The following WDTC1 variants were observed in gnomAD, a reference collection of about 807,000 sequenced individuals.
WDTC1 encodes the protein WD and tetratricopeptide repeats protein 1.
Under a neutral mutation model 76.0 loss-of-function variants are expected in WDTC1, and 12 were observed. The observed-to-expected ratio is 0.16, with a 90% CI of 0.10 to 0.26. The LOEUF is 0.26. WDTC1 is among the 10% of genes least tolerant of loss of function. WDTC1 has a pLI of 1.00. For synonymous variants in WDTC1, 326 were observed against 350.8 expected (o/e 0.93, Z 0.79); for missense variants, 511 against 908.8 (o/e 0.56, Z 5.63).
chr1:27,298,221 C>T, intron 12 of WDTC1, 110 bp downstream of exon 12: 2 of 1,378,720 alleles, frequency 1.5e-6, no homozygotes, highest in South Asian at 1.5e-5. Flanking sequence ...GGGAAAGTGG[C>T]AAGAACATAT....
At chr1:27,258,042 G>A (rs565663373) in intron 1 of WDTC1, among the ~76,000 whole-genome samples, 1 of 151,794 alleles carries the variant, frequency 6.6e-6, no homozygotes, top group Non-Finnish European at 1.5e-5. Context: ...GCCCGCCTCG[G>A]CCTCCCAAAG....
intron 1 of WDTC1, among the ~76,000 whole-genome samples, chr1:27,257,990 CA>C (rs1302296397): frequency 6.6e-6 from 1 of 151,954 alleles, no homozygotes; most frequent in Non-Finnish European, 1.5e-5. Context: ...GGGGTTTCAC[CA>C]TATTGGCCAG....
Position 27,303,673 on chromosome 1 carries a change from CCGCAAGGA to C in WDTC1, c.1523_1530del (p.Arg508LeufsTer6). Reference sequence around the variant, plus strand: ...CCCCAGTCCGCCTCCGCAGCACGAGCCGCAAGGACTCCATCTCAGAGGATGAAATGGTG... The same window carrying C: ...CCCCAGTCCGCCTCCGCAGCACGAGCCTCCATCTCAGAGGATGAAATGGTG... On this transcript the variant is annotated frameshift_variant, in exon 14 of 16. Transcript: ENST00000319394. LOFTEE classifies it high-confidence loss of function. The surrounding 1 kb of genome is among the most constrained non-coding windows in gnomAD (Gnocchi z 4.8). 1 of 1,612,624 alleles carries C rather than the reference CCGCAAGGA, an allele frequency of 6.2e-7. No individual in the cohort carries two copies. Among genetic ancestry groups the C allele is most frequent in the Non-Finnish European group, 8.5e-7 (1 of 1,179,404 alleles).
chr1:27,285,470 C>T (rs2013304742), intron 5 of WDTC1, among the ~76,000 whole-genome samples: 2 of 152,128 alleles, frequency 1.3e-5, no homozygotes. Context: ...CACTACCACT[C>T]AGCCTTGTTG....
intron 6 of WDTC1, among the ~76,000 whole-genome samples, chr1:27,290,258 T>C (rs1239198872): frequency 1.3e-5 from 2 of 151,944 alleles, no homozygotes; most frequent in East Asian, 1.9e-4. Context: ...ATTTTTCTAT[T>C]TTTTTTGTAG....
At chr1:27,264,002 T>TA (rs545114279) in intron 3 of WDTC1, among the ~76,000 whole-genome samples, 46 of 142,672 alleles carry the variant, frequency 3.2e-4, no homozygotes, top group South Asian at 6.8e-4. Context: ...AATAGGTGTT[T>TA]AAAAAAAAAA....
chr1:27,299,695 G>T (rs2013783870), intron 12 of WDTC1, among the ~76,000 whole-genome samples: 1 of 152,086 alleles, frequency 6.6e-6, no homozygotes, highest in Non-Finnish European at 1.5e-5. Context: ...CGGTGACGTT[G>T]GCCTCGATTC....
Position 27,299,168 on chromosome 1 carries a change from G to T in WDTC1, c.1232+1057G>T, listed in dbSNP as rs1211616615. 2.0e-5 allele frequency among the ~76,000 whole-genome samples: 3 copies of T among 152,326 alleles called. No individual in the cohort carries two copies. In the East Asian group the frequency reaches 5.8e-4, roughly 29 times the overall value. On this transcript the variant is annotated intron_variant, in intron 12 of 15. Transcript: ENST00000319394. ...CACTCCTGCATTCTTGCTAAGAGAG[G>T]TTGGTGATTTCCTAATCCATATGTG... is the stretch of plus-strand genomic sequence containing the variant.
intron 1 of WDTC1, among the ~76,000 whole-genome samples, chr1:27,236,902 G>A (rs1383197810): frequency 6.6e-6 from 1 of 152,064 alleles, no homozygotes; most frequent in South Asian, 2.1e-4. Context: ...GCAGTGGCGC[G>A]ATCTCAGCTC....
intron 6 of WDTC1, among the ~76,000 whole-genome samples, chr1:27,291,562 C>T (rs940148187): frequency 6.6e-6 from 1 of 152,160 alleles, no homozygotes; most frequent in African/African-American, 2.4e-5. Context: ...CACAAAGTTT[C>T]CCCGTCTGGA....
rs1405579660 is a variant in WDTC1, at chr1:27,306,025, G to C, written c.1837-161G>C. ...AGCACCCCCAACAATATGTAGCCAA[G>C]GTTGTGTGTTCCCCTCCACCATATA... On this transcript the variant is annotated intron_variant, in intron 15 of 15. Coordinates refer to ENST00000319394, the MANE Select transcript of WDTC1 (RefSeq NM_001276252.2). The surrounding 1 kb of genome is among the most constrained non-coding windows in gnomAD (Gnocchi z 5.0). Among the ~76,000 whole-genome samples the C allele has an allele frequency of 6.6e-6, 1 of 151,978 alleles. No individual in the cohort carries two copies. Among genetic ancestry groups the C allele is most frequent in the African/African-American group, 2.4e-5 (1 of 41,362 alleles).
chr1:27,263,863 TCATATA>T (rs1031148915), intron 3 of WDTC1, among the ~76,000 whole-genome samples: 14 of 152,266 alleles, frequency 9.2e-5, no homozygotes, highest in South Asian at 6.2e-4. Context: ...TATAGTGTTT[TCATATA>T]CATATACATA....
chr1:27,279,989 C>T (rs1434847402), intron 3 of WDTC1, among the ~76,000 whole-genome samples: 1 of 152,172 alleles, frequency 6.6e-6, no homozygotes, highest in Non-Finnish European at 1.5e-5. Flanking sequence ...GTTCATTTCC[C>T]ACAACAACCC....
In WDTC1 at chr1:27,308,430, C is replaced by G. The variant is rs2014007809; in HGVS notation, c.*2047C>G. 1 of 152,164 alleles carries G rather than the reference C, an allele frequency of 6.6e-6. No individual in the cohort carries two copies. Among genetic ancestry groups the G allele is most frequent in the East Asian group, 1.9e-4 (1 of 5,186 alleles). 9.4% of individuals were successfully genotyped at this position (152,164 alleles called of 1,614,324 possible). On this transcript the variant is annotated 3_prime_UTR_variant, in exon 16 of 16. Transcript: ENST00000319394. ...GCAGGGCTGAGTGCAGAGCCCAGCT[C>G]TCATGGCTGTGATTTGTAATCATCA...
chr1:27,303,756 A>G lies in WDTC1; in HGVS notation c.1604A>G (p.Asn535Ser). ...DYQFRYCGHC[N>S]TTTDIKEANF... ...CAGTTCCGCTACTGCGGCCACTGCAACACCACCACGGATATCAAAGAGGCC... is the reference window on the plus strand; with the variant it reads ...CAGTTCCGCTACTGCGGCCACTGCAGCACCACCACGGATATCAAAGAGGCC... Residue 535 changes from asparagine to serine, a missense_variant, in exon 14 of 16, where the codon AAC becomes AGC. Asn to Ser is a conservative substitution (Grantham distance 46, BLOSUM62 1). Transcript: ENST00000319394. The surrounding 1 kb of genome is among the most constrained non-coding windows in gnomAD (Gnocchi z 4.8). 2.5e-6 allele frequency: 4 copies of G among 1,614,074 alleles called. No individual in the cohort carries two copies. Among genetic ancestry groups the G allele is most frequent in the Non-Finnish European group, 3.4e-6 (4 of 1,179,952 alleles).
chr1:27,281,459 A>T (rs941671784), intron 3 of WDTC1, among the ~76,000 whole-genome samples: 2 of 151,028 alleles, frequency 1.3e-5, no homozygotes, highest in Non-Finnish European at 3.0e-5. Context: ...AAAAAAAAAA[A>T]TGCTGGGTGA....
At chr1:27,278,222 G>A (rs554324480) in intron 3 of WDTC1, among the ~76,000 whole-genome samples, 2 of 152,290 alleles carry the variant, frequency 1.3e-5, no homozygotes, top group East Asian at 3.9e-4. Context: ...ACTCACTTAT[G>A]TATTGCTTAT....
chr1:27,300,983 G>A (rs1557509652), intron 12 of WDTC1, among the ~76,000 whole-genome samples: 1 of 152,236 alleles, frequency 6.6e-6, no homozygotes, highest in Non-Finnish European at 1.5e-5. Flanking sequence ...GCAGAGGGCA[G>A]CCTGACACCA....
At chr1:27,244,328 CTTTTG>C (rs927785084) in intron 1 of WDTC1, among the ~76,000 whole-genome samples, 6 of 150,636 alleles carry the variant, frequency 4.0e-5, no homozygotes, top group Non-Finnish European at 7.4e-5. Flanking sequence ...CTCTTTCTTT[CTTTTG>C]TTTTGTTTTG....
Sources: allele counts gnomAD v4.1 joint callset (sites outside exome capture counted in the v4.1 genomes callset), GRCh38; gene constraint gnomAD v4.1.1; non-coding constraint Gnocchi (gnomAD v3.1); transcripts MANE v1.5; gene names NCBI Gene and HGNC (gene_info 2026-07-23, HGNC 2026-07-21).